The following CDC20B variants were observed in gnomAD, a reference collection of about 807,000 sequenced individuals.
The protein encoded by CDC20B is cell division cycle protein 20 homolog B.
A neutral mutation model predicts 64.1 loss-of-function variants in CDC20B; 58 were observed. That is an observed-to-expected ratio of 0.90 (90% CI 0.73 to 1.13). The LOEUF (loss-of-function observed/expected upper bound fraction) is 1.13, where lower values mean the gene tolerates loss of function less well. CDC20B is among the 50% of genes most tolerant of loss of function. The pLI, the probability that CDC20B is intolerant of heterozygous loss-of-function variation, is 0.00. For missense variants in CDC20B, 597 were observed against 633.0 expected, an observed-to-expected ratio of 0.94 and a Z score of 0.61; for synonymous variants, 243 against 230.6, an observed-to-expected ratio of 1.05 and a Z score of -0.49.
At chr5:55,159,687 A>G (rs1395474738) in intron 2 of CDC20B, among the ~76,000 whole-genome samples, 1 of 152,198 alleles carries the variant, frequency 6.6e-6, no homozygotes, top group Admixed American at 6.5e-5. Context: ...TTTCCACTAT[A>G]AATTTCCTGA....
In CDC20B at chr5:55,146,865, C is replaced by T; in HGVS notation, c.127-9G>A. 3.1e-6 allele frequency: 5 copies of T among 1,608,348 alleles called. No homozygotes were observed. Among genetic ancestry groups the T allele is most frequent in the Non-Finnish European group, 4.3e-6 (5 of 1,175,086 alleles). On this transcript the variant is annotated splice_polypyrimidine_tract_variant and intron_variant, in intron 2 of 11. Transcript: ENST00000381375. ...TTAACTGAATCGAGTACCTGTTTAACAACAAAAACAGCTGTAAGTCCACTG... is the reference window on the plus strand; with the variant it reads ...TTAACTGAATCGAGTACCTGTTTAATAACAAAAACAGCTGTAAGTCCACTG...
intron 6 of CDC20B, among the ~76,000 whole-genome samples, chr5:55,132,053 T>G (rs1348422307): frequency 6.6e-6 from 1 of 151,972 alleles, no homozygotes; most frequent in Non-Finnish European, 1.5e-5. Context: ...AGCAAGACTC[T>G]GTTTAAAAAA....
intron 11 of CDC20B, among the ~76,000 whole-genome samples, chr5:55,118,805 G>C (rs1447950903): frequency 6.6e-6 from 1 of 152,184 alleles, no homozygotes; most frequent in Non-Finnish European, 1.5e-5. Flanking sequence ...GTCCAGTCGG[G>C]CTCATCATCA....
At position 55,146,654 on chromosome 5, in the gene CDC20B, G is replaced by T. The variant is rs750183407; in HGVS notation, c.329C>A (p.Pro110Gln). Residue 110 changes from proline (P) to glutamine (Q), a missense_variant, in exon 3 of 12, where the codon CCG becomes CAG. By Grantham distance (76) the Pro-to-Gln change is moderately conservative. This residue lies in a region of CDC20B where 241 missense variants were observed against 219.2 expected (regional missense o/e 1.10). Coordinates refer to ENST00000381375, the MANE Select transcript of CDC20B (RefSeq NM_001170402.1). The part of the protein sequence containing the change: ...PEASGSVLKT[P>Q]PEKETLTLGS... ...TAGAGTCAAGGTCTCTTTCTCAGGC[G>T]GTGTCTTCAGCACTGATCCGGAAGC... 11 of 1,613,838 alleles carry T rather than the reference G, an allele frequency of 6.8e-6. No individual in the cohort carries two copies. Among genetic ancestry groups the T allele is most frequent in the African/African-American group, 2.7e-5 (2 of 74,878 alleles).
At chr5:55,138,714 A>G (rs1743249912) in intron 5 of CDC20B, among the ~76,000 whole-genome samples, 1 of 150,950 alleles carries the variant, frequency 6.6e-6, no homozygotes, top group African/African-American at 2.4e-5. Flanking sequence ...ATATCCATGA[A>G]GCATGAACAG....
chr5:55,160,374 C>A lies in CDC20B; in HGVS notation c.126+12214G>T, dbSNP rs1357706555. 3 of 1,612,466 alleles carry A rather than the reference C, an allele frequency of 1.9e-6. No homozygotes were observed. Among genetic ancestry groups the A allele is most frequent in the Middle Eastern group, 2.0e-4 (1 of 5,044 alleles). On this transcript the variant is annotated intron_variant, in intron 2 of 11. Coordinates refer to ENST00000381375, the MANE Select transcript of CDC20B (RefSeq NM_001170402.1). ...AAGGATGCAAAAGGAAGAACTGTTT[C>A]TCTGGAAAAGTATAAAGGCAAAGTA...
chr5:55,117,116 C>T (rs1452241529), intron 11 of CDC20B, among the ~76,000 whole-genome samples: 2 of 152,166 alleles, frequency 1.3e-5, no homozygotes, highest in Non-Finnish European at 2.9e-5. Flanking sequence ...AAGCCAAAGG[C>T]CAGATCTCAC....
rs372330536 is a variant in CDC20B, at chr5:55,143,023, C to T, written c.486+490G>A. Among the ~76,000 whole-genome samples the T allele has an allele frequency of 3.1e-3, 467 of 152,006 alleles. 6 individuals carry two copies. The highest frequency in any genetic ancestry group is 2.8e-3 in the Non-Finnish European group (188 of 67,962). ...TTAAAACTATAATAAATAAAAGATA[C>T]CTAAATGTAATAAATGTACTTAACC... is the stretch of plus-strand genomic sequence containing the variant. On this transcript the variant is annotated intron_variant, in intron 4 of 11. Coordinates refer to ENST00000381375, the MANE Select transcript of CDC20B (RefSeq NM_001170402.1).
intron 2 of CDC20B, among the ~76,000 whole-genome samples, chr5:55,158,384 C>T (rs1231407018): frequency 1.3e-5 from 2 of 152,150 alleles, no homozygotes; most frequent in Non-Finnish European, 2.9e-5. Context: ...CATTTTTGTT[C>T]TTTACTAGGA....
intron 2 of CDC20B, among the ~76,000 whole-genome samples, chr5:55,168,267 G>A (rs186951754): frequency 6.6e-6 from 1 of 152,062 alleles, no homozygotes; most frequent in African/African-American, 2.4e-5. Flanking sequence ...CACTATAATA[G>A]TGACAGGTTC....
At chr5:55,136,226 G>A (rs1188472657) in intron 5 of CDC20B, among the ~76,000 whole-genome samples, 2 of 151,766 alleles carry the variant, frequency 1.3e-5, no homozygotes, top group South Asian at 2.1e-4. Flanking sequence ...GATTATAGGC[G>A]TGAACCACTG....
intron 11 of CDC20B, 83 bp downstream of exon 11, chr5:55,119,718 A>T: frequency 1.2e-6 from 1 of 856,512 alleles, no homozygotes; most frequent in South Asian, 1.5e-5. Flanking sequence ...CAGAAGGATA[A>T]AATCTTTCAT....
chr5:55,135,754 T>TG (rs1743145282), intron 5 of CDC20B: 1 of 141,536 alleles, frequency 7.1e-6, no homozygotes, highest in Non-Finnish European at 1.5e-5. Flanking sequence ...GATTTTTTTG[T>TG]GATTTTTTTT....
intron 7 of CDC20B, 145 bp from the exon 8 acceptor site, chr5:55,127,496 T>G (rs1742923976): frequency 1.5e-6 from 1 of 657,558 alleles, no homozygotes; most frequent in Non-Finnish European, 2.7e-6. Context: ...CAGTTCTCAA[T>G]TCTGACTGTG....
chr5:55,172,593 C>G lies in CDC20B; in HGVS notation c.121G>C (p.Ala41Pro). 1 of 1,611,912 alleles carries G rather than the reference C, an allele frequency of 6.2e-7. No homozygotes were observed. Among genetic ancestry groups the G allele is most frequent in the Non-Finnish European group, 8.5e-7 (1 of 1,178,148 alleles). ...AGAACAAGCCCTGGACTCACGTTGG[C>G]GGAATCTTGACTTCTCTTCTGCTTC... is the stretch of plus-strand genomic sequence containing the variant. ...DLKQKRSQDS[A>P]NVLDSVNATY... The change falls in exon 2 of 12, where the codon GCC (alanine) becomes CCC (proline). Residue 41 changes from alanine to proline, a missense_variant. Transcript: ENST00000381375.
chr5:55,127,167 G>C, intron 8 of CDC20B, 90 bp downstream of exon 8: 1 of 1,154,802 alleles, frequency 8.7e-7, no homozygotes, highest in Non-Finnish European at 1.3e-6. Context: ...TTTTTGATTG[G>C]TTTAGGTTTT....
At chr5:55,168,740 A>G (rs1561098142) in intron 2 of CDC20B, among the ~76,000 whole-genome samples, 1 of 152,200 alleles carries the variant, frequency 6.6e-6, no homozygotes, top group Non-Finnish European at 1.5e-5. Flanking sequence ...CAATTACGGC[A>G]TGTTCCTCAC....
chr5:55,139,470 G>A (rs1004894092), intron 5 of CDC20B, among the ~76,000 whole-genome samples: 1 of 152,102 alleles, frequency 6.6e-6, no homozygotes, highest in Non-Finnish European at 1.5e-5. Context: ...TGAGTGCATG[G>A]AAAATGTTAT....
rs1743293175 is a variant in CDC20B at position 55,140,188 on chromosome 5, A to G, written c.580+126T>C. 5.1e-5 allele frequency: 27 copies of G among 531,688 alleles called. No individual in the cohort carries two copies. In the East Asian group the frequency reaches 8.8e-4, roughly 17 times the overall value. The allele number at this position is 531,688 out of a possible 1,614,324, so 32.9% of individuals were successfully genotyped here. The stretch of plus-strand genomic sequence containing the variant: ...GAACAGAGGATTATGAGAATTATTC[A>G]TATTTTACAATTAGGTTGATTTAGT... On this transcript the variant is annotated intron_variant, in intron 5 of 11. Coordinates refer to ENST00000381375, the MANE Select transcript of CDC20B (RefSeq NM_001170402.1).
Sources: gnomAD v4.1 joint callset for allele counts (sites outside exome capture counted in the v4.1 genomes callset) on GRCh38, gnomAD v4.1.1 for gene constraint, gnomAD v4.1.1 regional missense constraint, MANE v1.5 for transcripts, NCBI Gene and HGNC (gene_info 2026-07-23, HGNC 2026-07-21) for gene names.